The following PDE1A variants were observed in gnomAD, a reference collection of about 807,000 sequenced individuals.
The protein encoded by PDE1A is dual specificity calcium/calmodulin-dependent 3',5'-cyclic nucleotide phosphodiesterase 1A.
A neutral mutation model predicts 61.7 loss-of-function variants in PDE1A; 35 were observed. The observed-to-expected ratio is 0.57, with a 90% CI of 0.43 to 0.75. PDE1A has a LOEUF of 0.75. Ranked by LOEUF, PDE1A falls within the 30% of genes least tolerant of loss-of-function variation. PDE1A has a pLI of 0.00. For synonymous variants in PDE1A, 232 were observed against 213.2 expected (o/e 1.09, Z -0.77); for missense variants, 597 against 630.6 (o/e 0.95, Z 0.57).
chr2:182,710,175 G>A, the PDE1A span, among the ~76,000 whole-genome samples: 2 of 152,284 alleles, frequency 1.3e-5, no homozygotes, highest in Admixed American at 6.5e-5. Context: ...GATTACAGGC[G>A]TGAGCCACTG....
At chr2:182,524,579 T>G (rs1690740288), upstream of PDE1A, among the ~76,000 whole-genome samples, 1 of 152,124 alleles carries the variant, frequency 6.6e-6, no homozygotes, top group South Asian at 2.1e-4. Flanking sequence ...CCTTAATCAT[T>G]TCATTAAATG....
chr2:182,648,528 A>G, the PDE1A span, among the ~76,000 whole-genome samples: 2 of 149,580 alleles, frequency 1.3e-5, no homozygotes, highest in African/African-American at 4.9e-5. Flanking sequence ...AAAAAAAAAA[A>G]AAAAAATTAA....
chr2:182,512,755 A>G (rs1689885453), intron 2 of PDE1A, among the ~76,000 whole-genome samples: 1 of 152,236 alleles, frequency 6.6e-6, no homozygotes, highest in Non-Finnish European at 1.5e-5. Context: ...TAAGAAAGAA[A>G]CAAACTGTTC....
intron 7 of PDE1A, among the ~76,000 whole-genome samples, chr2:182,220,364 T>A (rs1688617341): frequency 6.6e-6 from 1 of 152,062 alleles, no homozygotes; most frequent in Admixed American, 6.6e-5. Flanking sequence ...TGGCACCAAA[T>A]CTAGCCATAG....
At chr2:182,490,894 G>T (rs1439578425) in intron 2 of PDE1A, among the ~76,000 whole-genome samples, 1 of 152,144 alleles carries the variant, frequency 6.6e-6, no homozygotes, top group Admixed American at 6.5e-5. Flanking sequence ...TGTAGGAAGA[G>T]ATATGTGGGG....
intron 2 of PDE1A, among the ~76,000 whole-genome samples, chr2:182,466,040 TTG>T (rs72310564): frequency 2.0e-4 from 30 of 149,932 alleles, no homozygotes; most frequent in Admixed American, 3.3e-4. Context: ...GCCTACACTT[TTG>T]TGTGTGTGTG....
chr2:182,601,863 T>A, the PDE1A span, among the ~76,000 whole-genome samples: 2 of 152,190 alleles, frequency 1.3e-5, no homozygotes, highest in South Asian at 4.1e-4. Context: ...AGGACTTTTA[T>A]GGGCCCCAGA....
chr2:182,243,449 G>C (rs937031967), intron 2 of PDE1A, among the ~76,000 whole-genome samples: 5 of 152,140 alleles, frequency 3.3e-5, no homozygotes, highest in Non-Finnish European at 7.3e-5. Context: ...AAGGCCCGAG[G>C]CATGATCAGT....
chr2:182,267,651 A>C (rs1030008482), intron 1 of PDE1A, among the ~76,000 whole-genome samples: 1 of 152,156 alleles, frequency 6.6e-6, no homozygotes, highest in Non-Finnish European at 1.5e-5. Flanking sequence ...TTAATGGAAT[A>C]ATTTATATTA....
At chr2:182,663,536 G>A in the PDE1A span, among the ~76,000 whole-genome samples, 4 of 152,260 alleles carry the variant, frequency 2.6e-5, 1 homozygote, top group South Asian at 8.3e-4. Context: ...CATGCATGGA[G>A]CTGGAGGCCA....
the PDE1A span, among the ~76,000 whole-genome samples, chr2:182,713,283 CCTACTTA>C: frequency 2.6e-5 from 4 of 152,130 alleles, no homozygotes; most frequent in African/African-American, 9.7e-5. Context: ...CCTCTATTAT[CCTACTTA>C]CTGAGGGCAG....
chr2:182,364,495 A>AAAAAAAAAAAAAAAAAAT (rs1699723548), intron 1 of PDE1A, among the ~76,000 whole-genome samples: 1 of 145,304 alleles, frequency 6.9e-6, no homozygotes, highest in Non-Finnish European at 1.5e-5. Context: ...AAAAAAAAAA[A>AAAAAAAAAAAAAAAAAAT]AAAACCTTAT....
chr2:182,398,166 T>C (rs937791333), intron 1 of PDE1A, among the ~76,000 whole-genome samples: 5 of 152,006 alleles, frequency 3.3e-5, no homozygotes, highest in Non-Finnish European at 7.4e-5. Flanking sequence ...GTGAGGAAAT[T>C]CTTATTCTAC....
At chr2:182,632,780 C>T in the PDE1A span, among the ~76,000 whole-genome samples, 1 of 151,944 alleles carries the variant, frequency 6.6e-6, no homozygotes, top group African/African-American at 2.4e-5. Flanking sequence ...TTTACTTAGC[C>T]CCCCACAATT....
the PDE1A span, among the ~76,000 whole-genome samples, chr2:182,636,772 TACTGG>T: frequency 6.6e-6 from 1 of 152,198 alleles, no homozygotes; most frequent in African/African-American, 2.4e-5. Flanking sequence ...CTGCGCTCCT[TACTGG>T]ACACTCTAGG....
intron 2 of PDE1A, among the ~76,000 whole-genome samples, chr2:182,518,867 C>A (rs1358173021): frequency 6.6e-6 from 1 of 152,014 alleles, no homozygotes; most frequent in Non-Finnish European, 1.5e-5. Flanking sequence ...ATGCTGTCAC[C>A]TCTTAGATTG....
At chr2:182,381,657 C>T (rs6719467) in intron 1 of PDE1A, among the ~76,000 whole-genome samples, 3,136 of 152,068 alleles carry the variant, frequency 0.021, 107 homozygotes, top group African/African-American at 0.072. Context: ...AATAAAAATA[C>T]AAAACTTAGC....
rs192829011 is a variant in PDE1A at position 182,149,000 on chromosome 2, C to A, written c.1517-1848G>T. Among the ~76,000 whole-genome samples the A allele has an allele frequency of 2.3e-3, 347 of 151,802 alleles. 3 individuals are homozygous for A. The Middle Eastern group carries it at 0.045, about 19-fold the overall frequency. On this transcript the variant is annotated intron_variant, in intron 13 of 13. Coordinates refer to the PDE1A transcript ENST00000409365. ...ATGCATCTTATTACTGAGTTTTGAACCTTCTTTGAAATTCTTGTCTCAAAA... is the reference window on the plus strand; with the variant it reads ...ATGCATCTTATTACTGAGTTTTGAAACTTCTTTGAAATTCTTGTCTCAAAA...
intron 13 of PDE1A, among the ~76,000 whole-genome samples, chr2:182,161,036 C>T (rs147647830): frequency 1.7e-4 from 26 of 152,284 alleles, no homozygotes; most frequent in African/African-American, 5.5e-4. Context: ...TGACTATATG[C>T]ATACCTTCCA....
Sources: allele counts gnomAD v4.1 joint callset (sites outside exome capture counted in the v4.1 genomes callset), GRCh38; gene constraint gnomAD v4.1.1; transcripts MANE v1.5; gene names NCBI Gene and HGNC (gene_info 2026-07-23, HGNC 2026-07-21).